The following ATG7 variants were observed in gnomAD, a reference collection of about 807,000 sequenced individuals.
The protein encoded by ATG7 is autophagy related 7.
Under a neutral mutation model 82.4 loss-of-function variants are expected in ATG7, and 70 were observed. The observed-to-expected ratio is 0.85, with a 90% CI of 0.70 to 1.04. The LOEUF (loss-of-function observed/expected upper bound fraction) is 1.04. Among genes scored for constraint, ATG7 ranks in the 50% least tolerant of loss-of-function variants. The pLI, the probability that ATG7 is intolerant of heterozygous loss-of-function variation, is 0.00. For missense variants in ATG7, 792 were observed against 864.3 expected, an observed-to-expected ratio of 0.92 and a Z score of 1.05; for synonymous variants, 287 against 313.0, an observed-to-expected ratio of 0.92 and a Z score of 0.88.
At chr3:11,576,333 T>C in the ATG7 span, among the ~76,000 whole-genome samples, 1 of 152,240 alleles carries the variant, frequency 6.6e-6, no homozygotes. Flanking sequence ...ATTAATAAAA[T>C]TGAAAAGAAT....
At chr3:11,306,755 G>A (rs886922160) in intron 5 of ATG7, among the ~76,000 whole-genome samples, 188 bp from the exon 6 acceptor site, 2 of 152,122 alleles carry the variant, frequency 1.3e-5, no homozygotes, top group South Asian at 2.1e-4. Flanking sequence ...AGGCTTTTAG[G>A]GGGGAATGGT....
At position 11,543,586 on chromosome 3, in the gene ATG7, G is replaced by A. The variant is rs1296616548; in HGVS notation, c.2080-11225G>A. ...GCAGGCGGGTGTCTTTCCAAAGGGA[G>A]GCACCGGGGTGGTGTGTTAGGAGGA... On this transcript the variant is annotated intron_variant, in intron 20 of 20. Transcript: ENST00000693202. 2.6e-5 allele frequency among the ~76,000 whole-genome samples: 4 copies of A among 152,204 alleles called. No homozygotes were observed. In the East Asian group the frequency reaches 7.7e-4, roughly 29 times the overall value.
chr3:11,392,503 G>C (rs1483628477), intron 19 of ATG7, among the ~76,000 whole-genome samples: 1 of 151,068 alleles, frequency 6.6e-6, no homozygotes, highest in East Asian at 1.9e-4. Flanking sequence ...AAAAACAAAA[G>C]CTTAGGTATC....
chr3:11,483,150 C>A (rs114746872), intron 20 of ATG7, among the ~76,000 whole-genome samples: 1,704 of 152,252 alleles, frequency 0.011, 30 homozygotes, highest in African/African-American at 0.039. Flanking sequence ...TTTCTGCTCT[C>A]CTTGCCCCTC....
intron 20 of ATG7, among the ~76,000 whole-genome samples, chr3:11,470,030 TG>T (rs952763814): frequency 4.7e-5 from 7 of 147,398 alleles, no homozygotes; most frequent in Non-Finnish European, 1.0e-4. Flanking sequence ...GATGGTGTAC[TG>T]GGCTGTGCGT....
intron 5 of ATG7, 36 bp downstream of exon 5, chr3:11,299,452 A>G: frequency 6.4e-7 from 1 of 1,573,554 alleles, no homozygotes; most frequent in Non-Finnish European, 8.7e-7. Context: ...GAAGTAAAGA[A>G]TACTACTTTT....
chr3:11,477,684 AT>A (rs896645921), intron 20 of ATG7, among the ~76,000 whole-genome samples: 3 of 152,120 alleles, frequency 2.0e-5, no homozygotes, highest in Non-Finnish European at 2.9e-5. Context: ...ACAAGGGGGA[AT>A]TTTTTTGCTT....
intron 20 of ATG7, among the ~76,000 whole-genome samples, chr3:11,549,218 A>C (rs1317823952): frequency 6.6e-6 from 1 of 152,232 alleles, no homozygotes; most frequent in African/African-American, 2.4e-5. Flanking sequence ...ATGAAATATG[A>C]AGTATGATGT....
the ATG7 span, among the ~76,000 whole-genome samples, chr3:11,570,262 A>G: frequency 2.0e-5 from 3 of 151,466 alleles, no homozygotes; most frequent in South Asian, 6.3e-4. Context: ...ATCACCTCGC[A>G]GCTCCATCCC....
chr3:11,408,867 T>A (rs1333852631), intron 19 of ATG7, among the ~76,000 whole-genome samples: 1 of 152,130 alleles, frequency 6.6e-6, no homozygotes. Context: ...TCCATATTAG[T>A]CTCCCAAAAT....
intron 19 of ATG7, among the ~76,000 whole-genome samples, chr3:11,392,286 C>T (rs557410733): frequency 5.3e-5 from 8 of 152,164 alleles, no homozygotes; most frequent in African/African-American, 1.9e-4. Flanking sequence ...AGGGCAGGGA[C>T]ATGCAGCTGC....
intron 18 of ATG7, among the ~76,000 whole-genome samples, chr3:11,370,350 G>A (rs2076912259): frequency 6.6e-6 from 1 of 150,990 alleles, no homozygotes; most frequent in African/African-American, 2.4e-5. Context: ...GCTTAATAGC[G>A]AGAGTTGGGT....
intron 20 of ATG7, among the ~76,000 whole-genome samples, chr3:11,435,148 T>C (rs942129941): frequency 2.6e-5 from 4 of 152,244 alleles, no homozygotes; most frequent in Non-Finnish European, 4.4e-5. Flanking sequence ...TACTTACTTT[T>C]TATACATTTT....
chr3:11,345,438 G>C (rs1954374604), intron 13 of ATG7, among the ~76,000 whole-genome samples: 1 of 152,038 alleles, frequency 6.6e-6, no homozygotes. Context: ...TTTGTTGGTT[G>C]GGGTAGTAAG....
intron 17 of ATG7, 150 bp downstream of exon 17, chr3:11,363,078 G>A (rs2076382031): frequency 1.5e-6 from 1 of 665,878 alleles, no homozygotes; most frequent in Admixed American, 2.9e-5. Flanking sequence ...AGCAGGTCTG[G>A]TTCTTTGGGC....
intron 20 of ATG7, among the ~76,000 whole-genome samples, chr3:11,473,261 T>C (rs760248170): frequency 2.6e-5 from 4 of 152,224 alleles, no homozygotes; most frequent in Admixed American, 6.5e-5. Context: ...CCTCCAGTTC[T>C]GCAGCCACAT....
intron 18 of ATG7, among the ~76,000 whole-genome samples, chr3:11,368,123 A>G (rs1042345132): frequency 1.3e-5 from 2 of 151,398 alleles, no homozygotes; most frequent in African/African-American, 2.4e-5. Flanking sequence ...ATGAAATCAT[A>G]TAGTATATAC....
chr3:11,309,546 G>T (rs567084350), intron 7 of ATG7, among the ~76,000 whole-genome samples: 5 of 151,956 alleles, frequency 3.3e-5, no homozygotes, highest in South Asian at 4.2e-4. Flanking sequence ...AAAGGAAATC[G>T]TATTAGGGTA....
chr3:11,383,447 G>C (rs1006607381), intron 19 of ATG7, among the ~76,000 whole-genome samples: 1 of 152,012 alleles, frequency 6.6e-6, no homozygotes, highest in African/African-American at 2.4e-5. Flanking sequence ...ATACCTTTCG[G>C]TGATGCTAGT....
Sources: allele counts gnomAD v4.1 joint callset (sites outside exome capture counted in the v4.1 genomes callset), GRCh38; gene constraint gnomAD v4.1.1; transcripts MANE v1.5; gene names NCBI Gene and HGNC (gene_info 2026-07-23, HGNC 2026-07-21).